The following PCDH15 variants were observed in gnomAD, a reference collection of about 807,000 sequenced individuals.
PCDH15 encodes the protein protocadherin related 15.
Under a neutral mutation model 178.5 loss-of-function variants are expected in PCDH15, and 129 were observed. That is an observed-to-expected ratio of 0.72 (90% CI 0.63 to 0.84). The LOEUF (loss-of-function observed/expected upper bound fraction) is 0.84. PCDH15 is among the 40% of genes least tolerant of loss of function. The pLI is 0.00. For missense variants in PCDH15, 2,230 were observed against 2,099.9 expected, an observed-to-expected ratio of 1.06 and a Z score of -1.21; for synonymous variants, 800 against 732.0, an observed-to-expected ratio of 1.09 and a Z score of -1.50.
intron 4 of PCDH15, among the ~76,000 whole-genome samples, chr10:54,375,716 T>C (rs904978453): frequency 2.7e-5 from 4 of 149,912 alleles, no homozygotes; most frequent in African/African-American, 9.8e-5. Context: ...GCTTTCGCCA[T>C]TGTTAGTAGG....
chr10:55,557,319 T>C (rs768141595), intron 2 of PCDH15, among the ~76,000 whole-genome samples: 1 of 152,182 alleles, frequency 6.6e-6, no homozygotes, highest in Non-Finnish European at 1.5e-5. Context: ...TTGTAGAGTT[T>C]GTTTTAGATT....
At chr10:54,337,616 T>A (rs1473684233) in intron 6 of PCDH15, among the ~76,000 whole-genome samples, 1 of 152,138 alleles carries the variant, frequency 6.6e-6, no homozygotes, top group Admixed American at 6.5e-5. Context: ...AAACTACAGC[T>A]GGAACTACTT....
At chr10:55,391,770 G>A (rs1588981156) in intron 2 of PCDH15, among the ~76,000 whole-genome samples, 1 of 152,276 alleles carries the variant, frequency 6.6e-6, no homozygotes, top group East Asian at 1.9e-4. Flanking sequence ...ACAAGCATGA[G>A]TCACCACGCC....
intron 2 of PCDH15, among the ~76,000 whole-genome samples, chr10:55,472,081 T>C (rs1227133762): frequency 1.3e-5 from 2 of 152,196 alleles, no homozygotes; most frequent in East Asian, 3.8e-4. Context: ...ATTTTCATAG[T>C]GGTAACTTGC....
intron 2 of PCDH15, among the ~76,000 whole-genome samples, chr10:54,951,569 C>G (rs947027151): frequency 4.0e-5 from 6 of 151,776 alleles, no homozygotes; most frequent in African/African-American, 1.5e-4. Flanking sequence ...CACATATGGG[C>G]AAAGATGAAA....
intron 8 of PCDH15, among the ~76,000 whole-genome samples, chr10:54,257,826 T>C (rs1337899453): frequency 6.6e-6 from 1 of 152,170 alleles, no homozygotes; most frequent in Non-Finnish European, 1.5e-5. Flanking sequence ...TGAAACAATA[T>C]ACTTGCCAAA....
intron 24 of PCDH15, among the ~76,000 whole-genome samples, chr10:53,940,552 G>GA (rs1397281708): frequency 1.3e-5 from 2 of 152,024 alleles, no homozygotes; most frequent in African/African-American, 4.8e-5. Context: ...GCCAAAAGCT[G>GA]AAAATTTCAT....
intron 1 of PCDH15, among the ~76,000 whole-genome samples, chr10:55,236,655 T>C (rs1283138259): frequency 1.3e-5 from 2 of 152,052 alleles, no homozygotes; most frequent in African/African-American, 2.4e-5. Flanking sequence ...ATTCTGTATT[T>C]TGAAATAATA....
intron 1 of PCDH15, among the ~76,000 whole-genome samples, chr10:55,262,598 CAG>C (rs1223216506): frequency 3.3e-5 from 5 of 152,148 alleles, no homozygotes; most frequent in Admixed American, 2.6e-4. Flanking sequence ...CAGAACAATG[CAG>C]AGTTTGGCCA....
At chr10:54,462,576 A>G (rs563077048) in intron 3 of PCDH15, among the ~76,000 whole-genome samples, 329 of 120,652 alleles carry the variant, frequency 2.7e-3, no homozygotes, top group Non-Finnish European at 2.7e-3. Context: ...GTGCAGTGGC[A>G]TGATCTTGGC....
At position 54,887,839 on chromosome 10, in the gene PCDH15, G is replaced by T. The variant is rs530920686; in HGVS notation, c.-29+9611C>A. ...AAACTATACATATTCCAGACAAAAT[G>T]ATAACTTATTTCCATTCAACAATGA... On this transcript the variant is annotated intron_variant, in intron 3 of 5. Transcript: ENST00000458638. Among the ~76,000 whole-genome samples the T allele has an allele frequency of 1.6e-4, 25 of 152,100 alleles. No individual in the cohort carries two copies. The South Asian group carries it at 5.0e-3, about 30-fold the overall frequency.
intron 18 of PCDH15, among the ~76,000 whole-genome samples, chr10:54,042,012 G>GA (rs78057690): frequency 6.6e-6 from 1 of 151,704 alleles, no homozygotes; most frequent in Admixed American, 6.6e-5. Flanking sequence ...AATTAAGATA[G>GA]AAAAAAAATG....
intron 25 of PCDH15, among the ~76,000 whole-genome samples, chr10:53,913,338 T>A (rs2083262300): frequency 6.6e-6 from 1 of 152,082 alleles, no homozygotes; most frequent in Admixed American, 6.6e-5. Context: ...CATAAAAACC[T>A]AGAAGAAAAC....
In PCDH15 at chr10:53,897,959, C is replaced by CTTTT. The variant is rs66513139; in HGVS notation, c.3501+5280_3501+5283dup. ...TGAACATATGTGTTGTTTCTTTTCC[C>CTTTT]TTTTTTTTTTTTTTTTTTTTTTTTT... On this transcript the variant is annotated intron_variant, in intron 26 of 37. Transcript: ENST00000644397. 5.3e-4 allele frequency among the ~76,000 whole-genome samples: 44 copies of CTTTT among 82,404 alleles called. 1 individual carries two copies. Among genetic ancestry groups the CTTTT allele is most frequent in the African/African-American group, 1.0e-3 (19 of 18,412 alleles). 54.1% of individuals were successfully genotyped at this position (82,404 alleles called of 152,430 possible).
At chr10:53,902,112 AATAAG>A (rs1460599624) in intron 26 of PCDH15, among the ~76,000 whole-genome samples, 1 of 152,286 alleles carries the variant, frequency 6.6e-6, no homozygotes, top group Admixed American at 6.5e-5. Flanking sequence ...TAAAATATAA[AATAAG>A]ATAAAAATCA....
At chr10:54,274,858 A>G (rs2058263156) in intron 8 of PCDH15, among the ~76,000 whole-genome samples, 1 of 152,002 alleles carries the variant, frequency 6.6e-6, no homozygotes, top group Admixed American at 6.6e-5. Context: ...TTGAACCTTG[A>G]TCAATTACTT....
chr10:53,832,154 A>T (rs1305379035), intron 29 of PCDH15, among the ~76,000 whole-genome samples: 1 of 152,028 alleles, frequency 6.6e-6, no homozygotes, highest in African/African-American at 2.4e-5. Flanking sequence ...TGCCTAGGAA[A>T]AAAAGACTAA....
chr10:54,768,504 T>TGGATTCTGTACACAGTCTGCTTTC, intron 1 of PCDH15, among the ~76,000 whole-genome samples: 1 of 151,986 alleles, frequency 6.6e-6, no homozygotes, highest in African/African-American at 2.4e-5. Context: ...TTCTATGTAG[T>TGGATTCTGTACACAGTCTGCTTTC]TCATATTCTC....
chr10:55,040,127 T>G (rs1298254208), intron 2 of PCDH15, among the ~76,000 whole-genome samples: 2 of 152,080 alleles, frequency 1.3e-5, no homozygotes, highest in Admixed American at 6.5e-5. Context: ...GAAATAATGT[T>G]CTGAGACCCT....
Sources: allele counts gnomAD v4.1 joint callset (sites outside exome capture counted in the v4.1 genomes callset), GRCh38; gene constraint gnomAD v4.1.1; transcripts MANE v1.5; gene names NCBI Gene and HGNC (gene_info 2026-07-23, HGNC 2026-07-21).